Variants in GNAT3 observed in about 807,000 individuals in gnomAD.
GNAT3 encodes the protein guanine nucleotide-binding protein G(t) subunit alpha-3.
GNAT3 carries 31 observed loss-of-function variants against 37.7 expected under a neutral mutation model. The ratio of observed to expected loss-of-function variants is 0.82; its 90% CI spans 0.62 to 1.11. GNAT3 has a LOEUF of 1.11. Among genes scored for constraint, GNAT3 ranks in the 50% most tolerant of loss-of-function variants. GNAT3 has a pLI of 0.00. For missense variants in GNAT3, 437 were observed against 412.5 expected (o/e 1.06, Z -0.51); for synonymous variants, 138 against 139.8 (o/e 0.99, Z 0.09).
intron 1 of GNAT3, among the ~76,000 whole-genome samples, chr7:80,504,885 G>A (rs990845735): frequency 3.3e-5 from 5 of 152,188 alleles, no homozygotes; most frequent in African/African-American, 1.2e-4. Context: ...TTGGAAATGT[G>A]CGACGAGCTG....
At chr7:80,498,760 G>T (rs1210329531) in intron 1 of GNAT3, among the ~76,000 whole-genome samples, 3 of 151,902 alleles carry the variant, frequency 2.0e-5, no homozygotes, top group Admixed American at 2.0e-4. Context: ...CTGGGTCAAG[G>T]GGTACCAAGA....
chr7:80,505,759 T>C (rs1420139921), intron 1 of GNAT3, among the ~76,000 whole-genome samples: 1 of 152,170 alleles, frequency 6.6e-6, no homozygotes, highest in Non-Finnish European at 1.5e-5. Flanking sequence ...ACCCATGACT[T>C]CCCCCTTTTT....
At chr7:80,471,303 T>A (rs1790213415) in intron 5 of GNAT3, among the ~76,000 whole-genome samples, 1 of 151,366 alleles carries the variant, frequency 6.6e-6, no homozygotes, top group African/African-American at 2.4e-5. Flanking sequence ...CAAATGTTAA[T>A]CTCCTTTGGT....
intron 5 of GNAT3, among the ~76,000 whole-genome samples, chr7:80,470,132 G>A (rs1289509999): frequency 6.6e-6 from 1 of 151,676 alleles, no homozygotes; most frequent in African/African-American, 2.4e-5. Context: ...TGAGTCAGAG[G>A]AAAAGCAAAG....
intron 3 of GNAT3, among the ~76,000 whole-genome samples, chr7:80,485,650 C>T (rs1404516880): frequency 6.6e-6 from 1 of 152,018 alleles, no homozygotes; most frequent in Non-Finnish European, 1.5e-5. Flanking sequence ...AAATGTCTAC[C>T]ACATAAATAA....
intron 2 of GNAT3, among the ~76,000 whole-genome samples, chr7:80,489,527 G>C (rs1790551741): frequency 6.6e-6 from 1 of 151,966 alleles, no homozygotes; most frequent in South Asian, 2.1e-4. Flanking sequence ...GCTTTAGCAT[G>C]GGGGGAAAAG....
rs1343207298 is a variant in GNAT3 at position 80,497,661 on chromosome 7, T to TACGTATATACATAC, written c.119-3028_119-3015dup. On this transcript the variant is annotated intron_variant, in intron 1 of 7. Transcript: ENST00000398291. Reference sequence around the variant, plus strand: ...GTATATACATATACGTATATACATATACGTATATACATACATATATACACA... The same window carrying TACGTATATACATAC: ...GTATATACATATACGTATATACATATACGTATATACATACACGTATATACATACATATATACACA... Among the ~76,000 whole-genome samples the TACGTATATACATAC allele has an allele frequency of 1.9e-5, 2 of 106,482 alleles. 1 individual carries two copies. The highest frequency in any genetic ancestry group is 5.3e-4 in the South Asian group (2 of 3,792). The allele number at this position is 106,482 out of a possible 152,430, so 69.9% of individuals were successfully genotyped here. A position where few individuals can be genotyped will look rare whatever the true frequency, so the allele number is the denominator to read the frequency against.
intron 5 of GNAT3, 72 bp from the exon 6 acceptor site, chr7:80,462,703 A>G (rs1790071744): frequency 8.0e-7 from 1 of 1,246,072 alleles, no homozygotes; most frequent in East Asian, 2.4e-5. Context: ...GTTAACATTT[A>G]GAGGTATAAA....
intron 2 of GNAT3, among the ~76,000 whole-genome samples, chr7:80,490,368 G>C (rs751296036): frequency 3.2e-4 from 48 of 152,160 alleles, no homozygotes; most frequent in Admixed American, 8.5e-4. Context: ...AAGTTCTGTT[G>C]AAGAGGACTG....
Position 80,474,141 on chromosome 7 carries a change from T to C in GNAT3, c.590+110A>G, listed in dbSNP as rs529550449. The C allele has an allele frequency of 3.9e-5, 40 of 1,017,480 alleles. 1 individual carries two copies. In the African/African-American group the frequency reaches 5.7e-4, roughly 14 times the overall value. The allele number at this position is 1,017,480 out of a possible 1,614,324, so 63.0% of individuals were successfully genotyped here. ...CTGAAGGTAAACTAGAGCTAGTGAG[T>C]ACATCCAAGGATTATTGAACCTGAA... is the stretch of plus-strand genomic sequence containing the variant. On this transcript the variant is annotated intron_variant, in intron 5 of 7. Transcript: ENST00000398291.
chr7:80,491,045 T>C (rs912010121), intron 2 of GNAT3, among the ~76,000 whole-genome samples: 1 of 151,972 alleles, frequency 6.6e-6, no homozygotes, highest in Non-Finnish European at 1.5e-5. Flanking sequence ...GGAGATAAAA[T>C]CAGCTTTAAA....
At chr7:80,474,221 T>C (rs1370402077) in intron 5 of GNAT3, 30 bp downstream of exon 5, 1 of 1,594,278 alleles carries the variant, frequency 6.3e-7, no homozygotes, top group African/African-American at 1.3e-5. Context: ...CATACTTCTG[T>C]CTACAGTTAG....
chr7:80,502,706 TA>T (rs562587200), intron 1 of GNAT3, among the ~76,000 whole-genome samples: 144 of 143,012 alleles, frequency 1.0e-3, no homozygotes, highest in East Asian at 3.0e-3. Flanking sequence ...TTGGTCCTGC[TA>T]AAAAAAAAAA....
At chr7:80,486,524 A>C (rs569186540) in intron 3 of GNAT3, 2 of 151,124 alleles carry the variant, frequency 1.3e-5, no homozygotes, top group Non-Finnish European at 2.9e-5. Flanking sequence ...CAGCTGCTGC[A>C]ACCTCAACCT....
chr7:80,492,738 A>G (rs1452034789), intron 2 of GNAT3, among the ~76,000 whole-genome samples: 2 of 151,552 alleles, frequency 1.3e-5, no homozygotes, highest in Non-Finnish European at 2.9e-5. Context: ...TATGTATATT[A>G]AAGATATTAT....
intron 1 of GNAT3, among the ~76,000 whole-genome samples, chr7:80,500,938 T>C (rs1254199486): frequency 6.6e-6 from 1 of 152,048 alleles, no homozygotes; most frequent in East Asian, 1.9e-4. Flanking sequence ...CTGGCATTGG[T>C]TGGCTAATAT....
intron 5 of GNAT3, among the ~76,000 whole-genome samples, chr7:80,473,707 A>G (rs900018803): frequency 1.3e-5 from 2 of 152,156 alleles, no homozygotes; most frequent in Admixed American, 6.6e-5. Flanking sequence ...ATTTCTAGGA[A>G]GCTCTCGATA....
At chr7:80,460,741 C>A (rs1384934113) in intron 7 of GNAT3, among the ~76,000 whole-genome samples, 2 of 144,168 alleles carry the variant, frequency 1.4e-5, no homozygotes, top group Non-Finnish European at 3.1e-5. Context: ...GGGTGAGACT[C>A]CATCTCAAGA....
chr7:80,506,245 G>A (rs1562736496), intron 1 of GNAT3, among the ~76,000 whole-genome samples: 1 of 152,286 alleles, frequency 6.6e-6, no homozygotes, highest in East Asian at 1.9e-4. Context: ...TAGTTAGCAA[G>A]AGTCATTGTC....
Sources: allele counts gnomAD v4.1 joint callset (sites outside exome capture counted in the v4.1 genomes callset), GRCh38; gene constraint gnomAD v4.1.1; transcripts MANE v1.5; gene names NCBI Gene and HGNC (gene_info 2026-07-23, HGNC 2026-07-21).